Variants in FES observed in about 807,000 individuals in gnomAD.
The protein encoded by FES is FES proto-oncogene, tyrosine kinase.
In FES, 83 loss-of-function variants were observed where a neutral mutation model predicts 109.6. The observed-to-expected ratio is 0.76, with a 90% CI of 0.63 to 0.91. The LOEUF (loss-of-function observed/expected upper bound fraction) is 0.91, where lower values mean the gene tolerates loss of function less well. Ranked by LOEUF, FES falls within the 40% of genes least tolerant of loss-of-function variation. The pLI is 0.00. For synonymous variants in FES, 458 were observed against 442.1 expected (o/e 1.04, Z -0.45); for missense variants, 943 against 1,070.9 (o/e 0.88, Z 1.67).
intron 10 of FES, 119 bp downstream of exon 10, chr15:90,890,603 G>A: frequency 4.3e-6 from 4 of 926,352 alleles, no homozygotes; most frequent in Non-Finnish European, 3.2e-6. Flanking sequence ...TCTTCCCTGG[G>A]ATTCCAGGCT....
In FES at chr15:90,889,343, C is replaced by T; in HGVS notation, c.706C>T (p.Leu236=). ...GCAGGAATACCTGGAGATTAGCAGC[C>T]TGGTGCAGGATGAGGTGGTGGCCAT... ...ILQEYLEISS[L]VQDEVVAIHR... is the part of the protein sequence containing the mutation. Residue 236 remains leucine (L), a synonymous_variant, in exon 6 of 19, where the codon CTG becomes TTG. Transcript: ENST00000328850. The surrounding 1 kb of genome is among the most constrained non-coding windows in gnomAD (Gnocchi z 6.1). 1.2e-6 allele frequency: 2 copies of T among 1,613,986 alleles called. No homozygotes were observed. Among genetic ancestry groups the T allele is most frequent in the Non-Finnish European group, 1.7e-6 (2 of 1,180,008 alleles).
chr15:90,895,328 GCT>G, intron 18 of FES, 86 bp from the exon 19 acceptor site: 1 of 1,182,626 alleles, frequency 8.5e-7, no homozygotes, highest in Non-Finnish European at 1.1e-6. Context: ...ATCTTAAGCA[GCT>G]CCTATGGCTC....
chr15:90,890,370 G>T, intron 9 of FES, 31 bp from the exon 10 acceptor site: 1 of 1,608,572 alleles, frequency 6.2e-7, no homozygotes, highest in Non-Finnish European at 8.5e-7. Context: ...CCTAAGCCTG[G>T]CCACCCGCTG....
intron 5 of FES, among the ~76,000 whole-genome samples, chr15:90,888,215 C>T (rs940496475): frequency 2.0e-5 from 3 of 152,210 alleles, no homozygotes; most frequent in Non-Finnish European, 2.9e-5. Context: ...AAGTGATTCC[C>T]CTGCCTCAGC....
chr15:90,894,806 C>T (rs1237161262), intron 18 of FES, among the ~76,000 whole-genome samples: 2 of 152,022 alleles, frequency 1.3e-5, no homozygotes, highest in Non-Finnish European at 2.9e-5. Flanking sequence ...GTGGCTCACG[C>T]CTGTAATTTC....
At chr15:90,891,445 C>T in intron 11 of FES, 109 bp from the exon 12 acceptor site, 1 of 1,476,162 alleles carries the variant, frequency 6.8e-7, no homozygotes, top group African/African-American at 1.4e-5. Flanking sequence ...GTCTCTCTGC[C>T]CCTGGTCCTG....
chr15:90,893,854 A>G, intron 17 of FES, 43 bp downstream of exon 17: 1 of 1,602,034 alleles, frequency 6.2e-7, no homozygotes, highest in South Asian at 1.1e-5. Flanking sequence ...GCCAGAGGCC[A>G]GGCCTGGGTC....
rs532532973 is a variant in FES at position 90,885,509 on chromosome 15, T to A, written c.311T>A (p.Leu104Gln). ...LNSGPLSKLS[L>Q]LIRERQQLRK... The stretch of plus-strand genomic sequence containing the variant: ...TCAGGGCCCCTGAGCAAGCTGAGCC[T>A]GCTCATCCGGGAACGGCAGCAGCTT... The change falls in exon 3 of 19, where the codon CTG (leucine) becomes CAG (glutamine). Residue 104 changes from leucine to glutamine, a missense_variant. Leu to Gln is a moderately radical substitution (Grantham distance 113). Coordinates refer to ENST00000328850, the MANE Select transcript of FES (RefSeq NM_002005.4). 1.9e-6 allele frequency: 3 copies of A among 1,613,394 alleles called. No homozygotes were observed. Among genetic ancestry groups the A allele is most frequent in the Non-Finnish European group, 2.5e-6 (3 of 1,180,014 alleles).
rs144264634 is a variant in FES at position 90,889,522 on chromosome 15, C to T, written c.812C>T (p.Ala271Val). Reference protein sequence around the residue: ...YQGFLRQYGSAPDVPPCVTFD... With the variant: ...YQGFLRQYGSVPDVPPCVTFD... ...CGGGGCGCTGTCCCCCACAGGTCCG[C>T]ACCTGACGTCCCACCCTGTGTCACG... The change falls in exon 7 of 19, where the codon GCA (alanine) becomes GTA (valine). Residue 271 changes from alanine to valine, a missense_variant. Physicochemically the swap from Ala to Val is moderately conservative, Grantham distance 64. Coordinates refer to ENST00000328850, the MANE Select transcript of FES (RefSeq NM_002005.4). This position sits in a 1 kb window ranked among gnomAD's most constrained non-coding sequence, Gnocchi z 6.1. 8 of 1,613,894 alleles carry T rather than the reference C, an allele frequency of 5.0e-6. No homozygotes were observed. The highest frequency in any genetic ancestry group is 6.8e-6 in the Non-Finnish European group (8 of 1,180,022).
rs72755390 is a variant in FES at position 90,891,237 on chromosome 15, T to C, written c.1530+46T>C. 1,086 of 1,534,678 alleles carry C rather than the reference T, an allele frequency of 7.1e-4. 1 individual carries two copies. The highest frequency in any genetic ancestry group is 7.8e-4 in the Non-Finnish European group (892 of 1,138,740). ...AGCCTTCCAGGCCTCACTCTTCCCC[T>C]CCCTTCCCTTCCCCAAGGGAAATGG... On this transcript the variant is annotated intron_variant, in intron 11 of 18. Coordinates refer to ENST00000328850, the MANE Select transcript of FES (RefSeq NM_002005.4).
Position 90,895,273 on chromosome 15 carries a change from C to A in FES, c.2327-143C>A, listed in dbSNP as rs1310449133. 3.4e-4 allele frequency: 223 copies of A among 665,340 alleles called. 2 individuals carry two copies. The highest frequency in any genetic ancestry group is 1.4e-5 in the Non-Finnish European group (6 of 436,176). The allele number at this position is 665,340 out of a possible 1,614,324, so 41.2% of individuals were successfully genotyped here. On this transcript the variant is annotated intron_variant, in intron 18 of 18. Coordinates refer to ENST00000328850, the MANE Select transcript of FES (RefSeq NM_002005.4). ...AGGATCAGAAGCCAGGCCTCTTTGT[C>A]CTTTGGGCCCTTGGTGGAGAACAGT...
Position 90,891,604 on chromosome 15 carries a change from C to T in FES, c.1581C>T (p.Ile527=), listed in dbSNP as rs753349350. ...GEGFPSIPLL[I]DHLLSTQQPL... Reference sequence around the variant, plus strand: ...GCTTTCCTAGCATTCCTTTGCTCATCGACCACCTACTGAGCACCCAGCAGC... The same window carrying T: ...GCTTTCCTAGCATTCCTTTGCTCATTGACCACCTACTGAGCACCCAGCAGC... Residue 527 remains isoleucine (I), a synonymous_variant, in exon 12 of 19, where the codon ATC becomes ATT. Coordinates refer to ENST00000328850, the MANE Select transcript of FES (RefSeq NM_002005.4). 10 of 1,613,920 alleles carry T rather than the reference C, an allele frequency of 6.2e-6. No homozygotes were observed. Among genetic ancestry groups the T allele is most frequent in the African/African-American group, 1.3e-5 (1 of 74,942 alleles).
chr15:90,889,222 T>A lies in FES; in HGVS notation c.669-84T>A, dbSNP rs1567095800. The A allele has an allele frequency of 6.4e-7, 1 of 1,561,166 alleles. No individual in the cohort carries two copies. Among genetic ancestry groups the A allele is most frequent in the Non-Finnish European group, 8.7e-7 (1 of 1,152,706 alleles). ...GGCAGGGGTCAACCCCAGCCCTGAC[T>A]CCAAACCCAGGGTCCTAGGCCTGAA... On this transcript the variant is annotated intron_variant, in intron 5 of 18. Transcript: ENST00000328850. The surrounding 1 kb of genome is among the most constrained non-coding windows in gnomAD (Gnocchi z 6.1).
intron 3 of FES, among the ~76,000 whole-genome samples, chr15:90,886,499 C>T (rs1035300862): frequency 5.3e-5 from 8 of 152,186 alleles, no homozygotes; most frequent in Non-Finnish European, 7.3e-5. Flanking sequence ...AGAACTGGGA[C>T]GAGAACACTG....
In FES at chr15:90,887,639, C is replaced by T. The variant is rs555662094; in HGVS notation, c.668+269C>T. Reference sequence around the variant, plus strand: ...ACCAGAGAACGATGGTAGACAAAAACATCTGTCCTCAGGGATCTTTCGTGT... The same window carrying T: ...ACCAGAGAACGATGGTAGACAAAAATATCTGTCCTCAGGGATCTTTCGTGT... On this transcript the variant is annotated intron_variant, in intron 5 of 18. Transcript: ENST00000328850. 5.3e-5 allele frequency among the ~76,000 whole-genome samples: 8 copies of T among 152,314 alleles called. No individual in the cohort carries two copies. The South Asian group carries it at 1.7e-3, about 32-fold the overall frequency.
At chr15:90,893,229 G>C in intron 15 of FES, 35 bp downstream of exon 15, 1 of 1,613,142 alleles carries the variant, frequency 6.2e-7, no homozygotes, top group Non-Finnish European at 8.5e-7. Context: ...GGTAGGGCGC[G>C]CAGCCTGGTC....
chr15:90,893,252 T>C (rs1211050666), intron 15 of FES, 39 bp from the exon 16 acceptor site: 1 of 1,612,912 alleles, frequency 6.2e-7, no homozygotes, highest in Non-Finnish European at 8.5e-7. Flanking sequence ...GTGGCAGCCT[T>C]ACCTCAGGAG....
Position 90,889,570 on chromosome 15 carries a change from A to G in FES, c.860A>G (p.Glu287Gly), listed in dbSNP as rs148753998. ...CVTFDESLLEEGEPLEPGELQ... is the reference protein window; with the variant it reads ...CVTFDESLLEGGEPLEPGELQ... ...ACGTTCGATGAGTCACTGCTTGAGG[A>G]GGGTGAACCGCTGGAGCCTGGGGAG... The change falls in exon 7 of 19, where the codon GAG becomes GGG. Residue 287 changes from glutamate (E) to glycine (G), a missense_variant. Glu to Gly is a moderately conservative substitution (Grantham distance 98). Coordinates refer to ENST00000328850, the MANE Select transcript of FES (RefSeq NM_002005.4). This position sits in a 1 kb window ranked among gnomAD's most constrained non-coding sequence, Gnocchi z 6.1. 103 of 1,613,590 alleles carry G rather than the reference A, an allele frequency of 6.4e-5. 1 individual carries two copies. The highest frequency in any genetic ancestry group is 8.3e-5 in the Non-Finnish European group (98 of 1,179,980).
At chr15:90,886,656 A>G (rs943278019) in intron 3 of FES, among the ~76,000 whole-genome samples, 4 of 152,240 alleles carry the variant, frequency 2.6e-5, no homozygotes, top group African/African-American at 9.6e-5. Context: ...GGGCCCTTCT[A>G]CATGTGGAGC....
Sources: allele counts gnomAD v4.1 joint callset (sites outside exome capture counted in the v4.1 genomes callset), GRCh38; gene constraint gnomAD v4.1.1; non-coding constraint Gnocchi (gnomAD v3.1); transcripts MANE v1.5; gene names NCBI Gene and HGNC (gene_info 2026-07-23, HGNC 2026-07-21).